STMND1: variants seen among roughly 807,000 people sequenced by gnomAD.
STMND1 encodes stathmin domain containing 1.
A neutral mutation model predicts 23.0 loss-of-function variants in STMND1; 17 were observed. The observed-to-expected ratio is 0.74, with a 90% CI of 0.51 to 1.11. The LOEUF (loss-of-function observed/expected upper bound fraction) is 1.11, where lower values mean the gene tolerates loss of function less well. Among genes scored for constraint, STMND1 ranks in the 50% least tolerant of loss-of-function variants. The pLI is 0.00. For missense variants in STMND1, 305 were observed against 329.1 expected (o/e 0.93, Z 0.57); for synonymous variants, 114 against 119.9 (o/e 0.95, Z 0.32).
intron 2 of STMND1, among the ~76,000 whole-genome samples, chr6:17,119,773 A>C (rs1761206041): frequency 6.6e-6 from 1 of 152,132 alleles, no homozygotes; most frequent in African/African-American, 2.4e-5. Context: ...GGTTACTATC[A>C]GGACTTCCTG....
intron 3 of STMND1, among the ~76,000 whole-genome samples, chr6:17,126,070 ATTTT>A (rs1189845838): frequency 0.014 from 287 of 20,042 alleles, no homozygotes; most frequent in Admixed American, 0.02. Context: ...ATATATATAT[ATTTT>A]TTTTTTTTTT....
At chr6:17,110,359 C>T (rs1759212865) in intron 1 of STMND1, 1 of 159,444 alleles carries the variant, frequency 6.3e-6, no homozygotes, top group Admixed American at 6.1e-5. Context: ...GCCTGGGCAA[C>T]ATATGGAGAC....
intron 2 of STMND1, among the ~76,000 whole-genome samples, chr6:17,116,808 T>C (rs1316450506): frequency 6.6e-6 from 1 of 152,186 alleles, no homozygotes; most frequent in Admixed American, 6.5e-5. Context: ...TAAAAAACTT[T>C]TTATTTTGTA....
intron 1 of STMND1, among the ~76,000 whole-genome samples, chr6:17,113,917 A>G (rs1318496907): frequency 6.6e-6 from 1 of 152,162 alleles, no homozygotes; most frequent in African/African-American, 2.4e-5. Flanking sequence ...TACCTGGTAG[A>G]TGCCTATTAG....
At chr6:17,114,464 C>T (rs1761132225) in intron 1 of STMND1, among the ~76,000 whole-genome samples, 3 of 152,138 alleles carry the variant, frequency 2.0e-5, no homozygotes, top group Admixed American at 6.5e-5. Flanking sequence ...TGGGGTTTCA[C>T]CATGTTGGGC....
chr6:17,117,028 A>G (rs1319276417), intron 2 of STMND1, among the ~76,000 whole-genome samples: 2 of 152,136 alleles, frequency 1.3e-5, no homozygotes, highest in African/African-American at 4.8e-5. Flanking sequence ...TACTCTTTGC[A>G]TAATCACTAT....
At chr6:17,111,732 T>C (rs1184055968) in intron 1 of STMND1, among the ~76,000 whole-genome samples, 3 of 152,330 alleles carry the variant, frequency 2.0e-5, no homozygotes, top group Admixed American at 2.0e-4. Context: ...CCTACTGTCT[T>C]AGTCTGTTTG....
chr6:17,120,034 A>G (rs1324589191), intron 2 of STMND1, among the ~76,000 whole-genome samples: 1 of 152,258 alleles, frequency 6.6e-6, no homozygotes, highest in Non-Finnish European at 1.5e-5. Flanking sequence ...AATCATGAAT[A>G]AAAATTTAGC....
intron 2 of STMND1, among the ~76,000 whole-genome samples, chr6:17,117,410 A>T: frequency 6.6e-6 from 1 of 151,960 alleles, no homozygotes; most frequent in East Asian, 1.9e-4. Flanking sequence ...TCATCTATAG[A>T]TCATATTCAA....
intron 1 of STMND1, among the ~76,000 whole-genome samples, chr6:17,113,697 G>A (rs1581368864): frequency 1.3e-5 from 2 of 150,742 alleles, no homozygotes. Context: ...CGAACTCCTG[G>A]GCTCCAGAGA....
intron 2 of STMND1, 28 bp from the exon 3 acceptor site, chr6:17,120,579 T>A: frequency 2.1e-6 from 3 of 1,453,620 alleles, no homozygotes; most frequent in Non-Finnish European, 2.7e-6. Flanking sequence ...AATTTTGCTT[T>A]CTTTTTTCTT....
chr6:17,115,727 G>A (rs574728426), intron 2 of STMND1, among the ~76,000 whole-genome samples: 10 of 152,136 alleles, frequency 6.6e-5, no homozygotes, highest in East Asian at 1.9e-4. Flanking sequence ...ATTTATATTC[G>A]GTCAGCCTTT....
intron 2 of STMND1, among the ~76,000 whole-genome samples, chr6:17,119,196 C>T (rs752208861): frequency 6.6e-6 from 1 of 152,080 alleles, no homozygotes; most frequent in Non-Finnish European, 1.5e-5. Flanking sequence ...CAAACACTTG[C>T]AAGAGTAGAA....
At chr6:17,103,565 CCT>C (rs1491252382) in intron 1 of STMND1, among the ~76,000 whole-genome samples, 9 of 111,154 alleles carry the variant, frequency 8.1e-5, no homozygotes, top group Non-Finnish European at 1.7e-4. Context: ...GGACCCATTA[CCT>C]TTTTTTTTTT....
At chr6:17,106,437 T>C (rs1438977786) in intron 1 of STMND1, among the ~76,000 whole-genome samples, 1 of 152,210 alleles carries the variant, frequency 6.6e-6, no homozygotes, top group Non-Finnish European at 1.5e-5. Context: ...AGCAAATGCA[T>C]GTCCCTCCTG....
intron 1 of STMND1, 92 bp downstream of exon 1, chr6:17,102,430 G>C (rs988166377): frequency 4.5e-5 from 66 of 1,472,968 alleles, no homozygotes; most frequent in Non-Finnish European, 5.8e-5. Context: ...GGCGACAAGA[G>C]TTGGCTGGAG....
chr6:17,114,578 T>C (rs1029640761), intron 1 of STMND1, among the ~76,000 whole-genome samples: 12 of 152,182 alleles, frequency 7.9e-5, no homozygotes, highest in African/African-American at 2.9e-4. Flanking sequence ...ATTAGATTCT[T>C]ACAAGGAGTA....
In STMND1 at chr6:17,102,111, G is replaced by A; in HGVS notation, c.-147G>A. On this transcript the variant is annotated 5_prime_UTR_variant, in exon 1 of 5. Transcript: ENST00000536551. ...CCCGGGGTTTAAGCGCGGGAAGTGG[G>A]AGAGGCGGGTGGCGCCCGAGCGCAG... 1 of 704,980 alleles carries A rather than the reference G, an allele frequency of 1.4e-6. No individual in the cohort carries two copies. Among genetic ancestry groups the A allele is most frequent in the African/African-American group, 1.9e-5 (1 of 53,102 alleles). The allele number at this position is 704,980 out of a possible 1,614,324, so 43.7% of individuals were successfully genotyped here.
At chr6:17,116,628 C>T (rs561754692) in intron 2 of STMND1, among the ~76,000 whole-genome samples, 62 of 152,016 alleles carry the variant, frequency 4.1e-4, no homozygotes, top group African/African-American at 1.4e-3. Flanking sequence ...TTAATAGAGA[C>T]GGGGTTTCAC....
Sources: gnomAD v4.1 joint callset for allele counts (sites outside exome capture counted in the v4.1 genomes callset) on GRCh38, gnomAD v4.1.1 for gene constraint, MANE v1.5 for transcripts, NCBI Gene and HGNC (gene_info 2026-07-23, HGNC 2026-07-21) for gene names.